The following HTD2 variants were observed in gnomAD, a reference collection of about 807,000 sequenced individuals.
HTD2 encodes hydroxyacyl-thioester dehydratase type 2, also known as hydroxyacyl-thioester dehydratase type 2, mitochondrial.
A neutral mutation model predicts 3.1 loss-of-function variants in HTD2; 1 was observed. The observed-to-expected ratio is 0.32, with a 90% confidence interval of 0.11 to 1.52. The LOEUF is 1.52. Ranked by LOEUF, HTD2 falls within the 40% of genes most tolerant of loss-of-function variation. The probability of loss-of-function intolerance (pLI) is 0.39; values close to 1 mark genes in which losing one functional copy is unlikely to be tolerated. For synonymous variants in HTD2, 50 were observed against 28.9 expected (o/e 1.73, Z -2.34); for missense variants, 150 against 79.6 (o/e 1.88, Z -3.36).
At chr3:58,307,184 A>T (rs1423517757) in intron 1 of HTD2, among the ~76,000 whole-genome samples, 1 of 152,212 alleles carries the variant, frequency 6.6e-6, no homozygotes, top group African/African-American at 2.4e-5. Flanking sequence ...CAGGACATGA[A>T]GTCAGAGGTG....
chr3:58,311,275 C>T (rs1288310121), intron 2 of HTD2, among the ~76,000 whole-genome samples: 1 of 152,112 alleles, frequency 6.6e-6, no homozygotes, highest in Non-Finnish European at 1.5e-5. Context: ...CTGCCTTAGC[C>T]CCCCTGGTAG....
chr3:58,309,176 A>G (rs1310037811), intron 1 of HTD2, among the ~76,000 whole-genome samples: 1 of 152,178 alleles, frequency 6.6e-6, no homozygotes, highest in East Asian at 1.9e-4. Context: ...TTCTGTGTTG[A>G]CTGAGAGTAA....
intron 2 of HTD2, among the ~76,000 whole-genome samples, chr3:58,312,632 T>G (rs75385546): frequency 0.017 from 2,525 of 152,100 alleles, 73 homozygotes; most frequent in African/African-American, 0.058. Flanking sequence ...CTTGAAGAGA[T>G]AAGGAATTTG....
intron 2 of HTD2, among the ~76,000 whole-genome samples, chr3:58,311,136 T>TTTGTTG (rs144147590): frequency 1.3e-5 from 2 of 150,110 alleles, no homozygotes; most frequent in Non-Finnish European, 3.0e-5. Context: ...AAATCTACTT[T>TTTGTTG]TTGTTGTTGT....
At chr3:58,310,930 A>C (rs1445451483) in intron 2 of HTD2, among the ~76,000 whole-genome samples, 1 of 42,868 alleles carries the variant, frequency 2.3e-5, no homozygotes, top group African/African-American at 1.0e-4. Flanking sequence ...CTCTGTCACA[A>C]AAAAAAAAAT....
chr3:58,311,765 C>T (rs76088720), intron 2 of HTD2, among the ~76,000 whole-genome samples: 6,931 of 151,956 alleles, frequency 0.046, 552 homozygotes, highest in African/African-American at 0.16. Context: ...CAGCATGAGC[C>T]ACTATGCCCA....
At chr3:58,311,961 C>T (rs1232122190) in intron 2 of HTD2, among the ~76,000 whole-genome samples, 1 of 152,126 alleles carries the variant, frequency 6.6e-6, no homozygotes, top group Admixed American at 6.5e-5. Flanking sequence ...CAGCCTCAAC[C>T]TCCCAAGCTC....
In HTD2 at chr3:58,320,166, G is replaced by A. The variant is rs2097493035; in HGVS notation, c.*2046G>A. On this transcript the variant is annotated 3_prime_UTR_variant, in exon 5 of 5. Coordinates refer to ENST00000461393, the MANE Select transcript of HTD2 (RefSeq NM_001348712.2). Reference sequence around the variant, plus strand: ...CAGTACATCATTTTATTTTATGGCTGAATAATATTCCATTGTATTTACCCA... The same window carrying A: ...CAGTACATCATTTTATTTTATGGCTAAATAATATTCCATTGTATTTACCCA... The A allele has an allele frequency of 6.6e-6, 1 of 151,812 alleles. No individual in the cohort carries two copies. Among genetic ancestry groups the A allele is most frequent in the Admixed American group, 6.6e-5 (1 of 15,238 alleles). The allele number at this position is 151,812 out of a possible 1,614,324, so 9.4% of individuals were successfully genotyped here. A position where few individuals can be genotyped will look rare whatever the true frequency, so the allele number is the denominator to read the frequency against.
rs901188719 is a variant in HTD2 at position 58,318,658 on chromosome 3, G to T, written c.*538G>T. 6.6e-6 allele frequency: 1 copy of T among 152,136 alleles called. No individual in the cohort carries two copies. Among genetic ancestry groups the T allele is most frequent in the Non-Finnish European group, 1.5e-5 (1 of 68,190 alleles). 9.4% of individuals were successfully genotyped at this position (152,136 alleles called of 1,614,324 possible). ...CCACTGCACTGTAGCCTGAGTGACA[G>T]AGCGAGACCCTGTCTCAAGAAAGAA... On this transcript the variant is annotated 3_prime_UTR_variant, in exon 5 of 5. Transcript: ENST00000461393.
At chr3:58,310,198 C>A in intron 1 of HTD2, 1 of 749,930 alleles carries the variant, frequency 1.3e-6, no homozygotes, top group Non-Finnish European at 2.3e-6. Flanking sequence ...CAGGGTGAGA[C>A]CCTGCCTTAA....
chr3:58,310,361 T>G, intron 1 of HTD2, 146 bp from the exon 2 acceptor site: 1 of 1,614,012 alleles, frequency 6.2e-7, no homozygotes, highest in Non-Finnish European at 8.5e-7. Flanking sequence ...TATGAAAGAG[T>G]AGTTTACAAA....
chr3:58,309,900 AAAT>A (rs1022180184), intron 1 of HTD2, among the ~76,000 whole-genome samples: 12 of 152,016 alleles, frequency 7.9e-5, no homozygotes, highest in African/African-American at 2.2e-4. Flanking sequence ...TCCAAAAAAA[AAAT>A]AATAATAACA....
chr3:58,307,807 G>A (rs561893457), intron 1 of HTD2: 200 of 151,960 alleles, frequency 1.3e-3, no homozygotes, highest in African/African-American at 4.6e-3. Context: ...AATTTCCCAG[G>A]TATCCTCTCC....
Position 58,308,241 on chromosome 3 carries a change from C to G in HTD2, c.-416+1590C>G, listed in dbSNP as rs377417159. On this transcript the variant is annotated intron_variant, in intron 1 of 4. Coordinates refer to ENST00000461393, the MANE Select transcript of HTD2 (RefSeq NM_001348712.2). ...ATAGGCCTATACCACTATCACTTTT[C>G]TCTCATTTGAATACCTACTTTGTGT... Among the ~76,000 whole-genome samples the G allele has an allele frequency of 1.5e-3, 223 of 152,176 alleles. 1 individual carries two copies. Among genetic ancestry groups the G allele is most frequent in the African/African-American group, 4.7e-3 (197 of 41,512 alleles).
chr3:58,313,055 C>T (rs550155753), intron 2 of HTD2, among the ~76,000 whole-genome samples: 17 of 151,638 alleles, frequency 1.1e-4, no homozygotes, highest in Non-Finnish European at 1.6e-4. Flanking sequence ...CAAGGTCAGC[C>T]GATCAAGACC....
chr3:58,314,765 A>C (rs372956103), intron 2 of HTD2, among the ~76,000 whole-genome samples: 1 of 140,810 alleles, frequency 7.1e-6, no homozygotes, highest in East Asian at 2.3e-4. Flanking sequence ...GCTCACTGCA[A>C]CCTCCGCCTC....
intron 2 of HTD2, among the ~76,000 whole-genome samples, chr3:58,311,530 A>G (rs2097482225): frequency 6.6e-6 from 1 of 152,214 alleles, no homozygotes; most frequent in Non-Finnish European, 1.5e-5. Context: ...GGCTTCACTT[A>G]ACAAAATGGC....
chr3:58,314,084 C>T (rs1167680309), intron 2 of HTD2, among the ~76,000 whole-genome samples: 1 of 152,192 alleles, frequency 6.6e-6, no homozygotes, highest in African/African-American at 2.4e-5. Context: ...GGCGTGGTGG[C>T]TCATGCCTGT....
rs1421109685 is a variant in HTD2 at position 58,319,830 on chromosome 3, A to G, written c.*1710A>G. ...TTTCCCGTTTTTTAATAAAATTGAG[A>G]TATAATTCACATACCATAAAATTCA... On this transcript the variant is annotated 3_prime_UTR_variant, in exon 5 of 5. Transcript: ENST00000461393. 1 of 152,102 alleles carries G rather than the reference A, an allele frequency of 6.6e-6. No individual in the cohort carries two copies. Among genetic ancestry groups the G allele is most frequent in the Non-Finnish European group, 1.5e-5 (1 of 68,022 alleles). 9.4% of individuals were successfully genotyped at this position (152,102 alleles called of 1,614,324 possible). A position where few individuals can be genotyped will look rare whatever the true frequency, so the allele number is the denominator to read the frequency against.
Sources: allele counts gnomAD v4.1 joint callset (sites outside exome capture counted in the v4.1 genomes callset), GRCh38; gene constraint gnomAD v4.1.1; transcripts MANE v1.5; gene names NCBI Gene and HGNC (gene_info 2026-07-23, HGNC 2026-07-21).